Variants in GMDS observed in about 807,000 individuals in gnomAD.
GMDS encodes GDP-mannose 4,6 dehydratase.
In GMDS, 20 loss-of-function variants were observed where a neutral mutation model predicts 49.9. That is an observed-to-expected ratio of 0.40 (90% CI 0.28 to 0.58). The LOEUF is 0.58. Ranked by LOEUF, GMDS falls within the 20% of genes least tolerant of loss-of-function variation. GMDS has a pLI of 0.42. For synonymous variants in GMDS, 177 were observed against 178.6 expected (o/e 0.99, Z 0.07); for missense variants, 362 against 481.4 (o/e 0.75, Z 2.32).
intron 7 of GMDS, among the ~76,000 whole-genome samples, chr6:1,875,910 A>C (rs757758959): frequency 1.3e-5 from 2 of 151,924 alleles, no homozygotes; most frequent in Non-Finnish European, 1.5e-5. Context: ...CTGTAATCCC[A>C]GCTACTCTGG....
chr6:2,134,974 T>C (rs1775921980), intron 1 of GMDS, among the ~76,000 whole-genome samples: 1 of 152,208 alleles, frequency 6.6e-6, no homozygotes. Flanking sequence ...AGGTAGCTGA[T>C]ATTATCCTCA....
At chr6:2,128,890 C>T (rs1414327935) in intron 1 of GMDS, among the ~76,000 whole-genome samples, 1 of 152,096 alleles carries the variant, frequency 6.6e-6, no homozygotes, top group Non-Finnish European at 1.5e-5. Context: ...TTTTGGGGGA[C>T]TGGCACTGCC....
chr6:2,186,869 G>A (rs1313140952), intron 1 of GMDS, among the ~76,000 whole-genome samples: 6 of 152,134 alleles, frequency 3.9e-5, no homozygotes, highest in Admixed American at 6.5e-5. Flanking sequence ...GTATATATAC[G>A]TGTACATATA....
At chr6:1,812,228 C>A (rs1045021984) in intron 7 of GMDS, among the ~76,000 whole-genome samples, 1 of 152,084 alleles carries the variant, frequency 6.6e-6, no homozygotes, top group African/African-American at 2.4e-5. Flanking sequence ...GCTGTGTAGT[C>A]CAGGCAGAGT....
chr6:1,678,202 C>T (rs986289754), intron 9 of GMDS, among the ~76,000 whole-genome samples: 1 of 152,120 alleles, frequency 6.6e-6, no homozygotes, highest in South Asian at 2.1e-4. Context: ...AAAAAATCCC[C>T]TGTGCTTCTG....
chr6:1,949,398 C>A lies in GMDS; in HGVS notation c.643+10469G>T, dbSNP rs144881078. ...GGCTATATTGCAGGGAACTGTGCTA[C>A]ATGTCATCAGACAGTTATCAGTTTG... On this transcript the variant is annotated intron_variant, in intron 6 of 10. Coordinates refer to ENST00000380815, the MANE Select transcript of GMDS (RefSeq NM_001500.4). Among the ~76,000 whole-genome samples the A allele has an allele frequency of 3.3e-5, 5 of 152,294 alleles. No homozygotes were observed. In the East Asian group the frequency reaches 9.6e-4, roughly 29 times the overall value.
At chr6:2,148,451 C>T (rs960684371) in intron 1 of GMDS, among the ~76,000 whole-genome samples, 1 of 152,078 alleles carries the variant, frequency 6.6e-6, no homozygotes, top group African/African-American at 2.4e-5. Context: ...ATGGAGTTTA[C>T]CTCTTGTCGC....
chr6:2,026,314 C>T (rs1768596427), intron 4 of GMDS, among the ~76,000 whole-genome samples: 1 of 152,198 alleles, frequency 6.6e-6, no homozygotes, highest in East Asian at 1.9e-4. Context: ...CACCTTCACT[C>T]TCCATTCATG....
chr6:2,245,222 G>A, intron 1 of GMDS, 99 bp downstream of exon 1: 2 of 819,632 alleles, frequency 2.4e-6, no homozygotes, highest in Non-Finnish European at 4.0e-6. Flanking sequence ...CGCCGAGAGG[G>A]CTGTTCCTGG....
chr6:1,740,221 G>A (rs1464307136), intron 8 of GMDS, among the ~76,000 whole-genome samples: 2 of 152,142 alleles, frequency 1.3e-5, no homozygotes, highest in Non-Finnish European at 2.9e-5. Context: ...AGTAATTAAT[G>A]AGAGTGGCAG....
Position 2,234,514 on chromosome 6 carries a change from C to T in GMDS, c.102+10807G>A, listed in dbSNP as rs563018826. 4.6e-5 allele frequency among the ~76,000 whole-genome samples: 7 copies of T among 152,162 alleles called. No individual in the cohort carries two copies. The East Asian group carries it at 1.3e-3, about 29-fold the overall frequency. On this transcript the variant is annotated intron_variant, in intron 1 of 10. Coordinates refer to ENST00000380815, the MANE Select transcript of GMDS (RefSeq NM_001500.4). ...ATCCCAGCTACTCAGGAGGCTGAAG[C>T]AGGAGAATCACTTGAACCCAGGAGG...
At chr6:2,127,362 A>C (rs1775506454) in intron 1 of GMDS, among the ~76,000 whole-genome samples, 1 of 152,114 alleles carries the variant, frequency 6.6e-6, no homozygotes, top group Non-Finnish European at 1.5e-5. Context: ...CTCTTGGAAT[A>C]AAAAGTTTGA....
chr6:2,083,807 A>G (rs1490985954), intron 4 of GMDS, among the ~76,000 whole-genome samples: 3 of 152,242 alleles, frequency 2.0e-5, no homozygotes, highest in Admixed American at 6.5e-5. Flanking sequence ...TGCTATTGAT[A>G]TCCTATATCC....
chr6:1,671,947 A>G (rs1764446799), intron 9 of GMDS, among the ~76,000 whole-genome samples: 1 of 152,042 alleles, frequency 6.6e-6, no homozygotes, highest in South Asian at 2.1e-4. Flanking sequence ...ACAGGCGTGA[A>G]CCACCGCGCC....
At chr6:1,723,371 G>A (rs4959153) in intron 9 of GMDS, among the ~76,000 whole-genome samples, 113,529 of 145,768 alleles carry the variant, frequency 0.78, 44,590 homozygotes, top group East Asian at 0.99. Context: ...CTGTGGCCCA[G>A]GCTGGAGTGC....
intron 1 of GMDS, among the ~76,000 whole-genome samples, chr6:2,186,078 T>C (rs1312643616): frequency 6.6e-6 from 1 of 152,178 alleles, no homozygotes; most frequent in Non-Finnish European, 1.5e-5. Flanking sequence ...TCACCCAAAC[T>C]GTAGTGAACA....
At chr6:1,745,336 TGG>T (rs1767444250) in intron 7 of GMDS, among the ~76,000 whole-genome samples, 2 of 148,656 alleles carry the variant, frequency 1.3e-5, no homozygotes, top group South Asian at 4.4e-4. Flanking sequence ...GTGGGTCACT[TGG>T]AGAAACATGA....
At chr6:2,096,066 A>T (rs1773587693) in intron 4 of GMDS, among the ~76,000 whole-genome samples, 1 of 152,192 alleles carries the variant, frequency 6.6e-6, no homozygotes, top group Non-Finnish European at 1.5e-5. Flanking sequence ...TGAATGGACA[A>T]AGGATAGGAA....
intron 1 of GMDS, among the ~76,000 whole-genome samples, chr6:2,164,191 C>A (rs916852819): frequency 6.6e-6 from 1 of 152,230 alleles, no homozygotes; most frequent in South Asian, 2.1e-4. Context: ...TATATGTCAA[C>A]AAATTCAGCC....
Sources: gnomAD v4.1 joint callset for allele counts (sites outside exome capture counted in the v4.1 genomes callset) on GRCh38, gnomAD v4.1.1 for gene constraint, MANE v1.5 for transcripts, NCBI Gene and HGNC (gene_info 2026-07-23, HGNC 2026-07-21) for gene names.